AKAP6: variants seen among roughly 807,000 people sequenced by gnomAD.
AKAP6 encodes the protein A-kinase anchor protein 6.
A neutral mutation model predicts 188.5 loss-of-function variants in AKAP6; 58 were observed. The observed-to-expected ratio is 0.31, with a 90% CI of 0.25 to 0.38. AKAP6 has a LOEUF of 0.38. Ranked by LOEUF, AKAP6 falls within the 10% of genes least tolerant of loss-of-function variation. The probability of loss-of-function intolerance (pLI) is 1.00; values close to 1 mark genes in which losing one functional copy is unlikely to be tolerated. For synonymous variants in AKAP6, 989 were observed against 998.6 expected, an observed-to-expected ratio of 0.99 and a Z score of 0.18; for missense variants, 2,710 against 2,740.0, an observed-to-expected ratio of 0.99 and a Z score of 0.24.
At chr14:32,398,564 C>T (rs1388519767) in intron 1 of AKAP6, among the ~76,000 whole-genome samples, 2 of 152,094 alleles carry the variant, frequency 1.3e-5, no homozygotes, top group African/African-American at 4.8e-5. Context: ...GCCATCCACA[C>T]CATGTACTGA....
intron 2 of AKAP6, among the ~76,000 whole-genome samples, chr14:32,456,792 G>A (rs1891158605): frequency 6.6e-6 from 1 of 152,116 alleles, no homozygotes; most frequent in South Asian, 2.1e-4. Flanking sequence ...TGTTTCTTTT[G>A]TGCTAATAAT....
chr14:32,394,209 T>C (rs912394303), intron 1 of AKAP6, among the ~76,000 whole-genome samples: 3 of 152,208 alleles, frequency 2.0e-5, no homozygotes, highest in African/African-American at 7.2e-5. Context: ...TCTGATGCTC[T>C]TCTTCCAAGG....
intron 1 of AKAP6, among the ~76,000 whole-genome samples, chr14:32,410,476 C>T (rs1025658453): frequency 6.6e-6 from 1 of 152,158 alleles, no homozygotes; most frequent in Non-Finnish European, 1.5e-5. Flanking sequence ...TCTCATGTCT[C>T]CCCAAAATGT....
chr14:32,743,524 G>A (rs1301975484), intron 11 of AKAP6, among the ~76,000 whole-genome samples: 1 of 151,878 alleles, frequency 6.6e-6, no homozygotes, highest in East Asian at 1.9e-4. Context: ...TTCATTGTTT[G>A]TGTATCCATT....
intron 1 of AKAP6, among the ~76,000 whole-genome samples, chr14:32,366,877 G>A (rs1357385947): frequency 6.6e-6 from 1 of 152,122 alleles, no homozygotes; most frequent in Non-Finnish European, 1.5e-5. Flanking sequence ...CTTATGCAAG[G>A]TTATAGCACA....
chr14:32,811,241 G>GAAAAA lies in AKAP6; in HGVS notation c.3589-10150_3589-10146dup, dbSNP rs529886144. Among the ~76,000 whole-genome samples, 27 of 55,586 alleles carry GAAAAA rather than the reference G, an allele frequency of 4.9e-4. 2 individuals carry two copies. Among genetic ancestry groups the GAAAAA allele is most frequent in the South Asian group, 2.7e-3 (3 of 1,104 alleles). 36.5% of individuals were successfully genotyped at this position (55,586 alleles called of 152,430 possible). On this transcript the variant is annotated intron_variant, in intron 12 of 13. Coordinates refer to ENST00000280979, the MANE Select transcript of AKAP6 (RefSeq NM_004274.5). ...GTGACAGAGCGAGACTCCGTCTCAGGAAAAAAAAAAAAAAAGTTGAAAAAC... is the reference window on the plus strand; with the variant it reads ...GTGACAGAGCGAGACTCCGTCTCAGGAAAAAAAAAAAAAAAAAAAAGTTGAAAAAC...
In AKAP6 at chr14:32,720,121, A is replaced by G. The variant is rs151310391; in HGVS notation, c.3001-12333A>G. Among the ~76,000 whole-genome samples the G allele has an allele frequency of 5.3e-3, 804 of 152,314 alleles. 10 individuals carry two copies. The highest frequency in any genetic ancestry group is 0.017 in the African/African-American group (722 of 41,566). ...ATAAATTCTCCTTTGATTGTATATT[A>G]AAACAACAAACAGCAATTCATACAT... On this transcript the variant is annotated intron_variant, in intron 9 of 13. Coordinates refer to ENST00000280979, the MANE Select transcript of AKAP6 (RefSeq NM_004274.5).
chr14:32,615,986 C>T (rs915720957), intron 7 of AKAP6, among the ~76,000 whole-genome samples: 4 of 152,204 alleles, frequency 2.6e-5, no homozygotes, highest in Non-Finnish European at 4.4e-5. Flanking sequence ...TCAATGTTCC[C>T]TCATGACTTC....
chr14:32,366,226 G>A (rs1256507343), intron 1 of AKAP6, among the ~76,000 whole-genome samples: 4 of 152,116 alleles, frequency 2.6e-5, no homozygotes, highest in African/African-American at 7.2e-5. Context: ...TCATCCTGTC[G>A]CTGCCCACTT....
chr14:32,770,450 G>A (rs2032863463), intron 11 of AKAP6, among the ~76,000 whole-genome samples: 1 of 151,938 alleles, frequency 6.6e-6, no homozygotes, highest in South Asian at 2.1e-4. Flanking sequence ...ACTATGCATG[G>A]GAACCAACAT....
chr14:32,369,988 G>A (rs376286779), intron 1 of AKAP6, among the ~76,000 whole-genome samples: 2 of 152,182 alleles, frequency 1.3e-5, no homozygotes, highest in African/African-American at 2.4e-5. Context: ...CTGAGACCGC[G>A]CCATTGCACT....
intron 2 of AKAP6, among the ~76,000 whole-genome samples, chr14:32,496,470 G>A (rs971129643): frequency 2.6e-5 from 4 of 151,958 alleles, no homozygotes; most frequent in East Asian, 1.9e-4. Flanking sequence ...TTAGAAGGAT[G>A]TCTAAGGGGA....
intron 8 of AKAP6, among the ~76,000 whole-genome samples, chr14:32,687,717 T>C (rs1889997484): frequency 6.6e-6 from 1 of 152,148 alleles, no homozygotes; most frequent in African/African-American, 2.4e-5. Flanking sequence ...CTCAGTCTAA[T>C]AGAAGATCAG....
chr14:32,818,476 T>C (rs1376336232), intron 12 of AKAP6, among the ~76,000 whole-genome samples: 3 of 152,000 alleles, frequency 2.0e-5, no homozygotes, highest in Non-Finnish European at 4.4e-5. Context: ...ATACAATGCC[T>C]ACACATCACT....
chr14:32,816,434 G>A (rs2034380040), intron 12 of AKAP6, among the ~76,000 whole-genome samples: 1 of 152,158 alleles, frequency 6.6e-6, no homozygotes, highest in Admixed American at 6.6e-5. Context: ...GGGTTCAAGC[G>A]ATCCTCCTGC....
At chr14:32,715,979 G>A (rs2030177563) in intron 9 of AKAP6, among the ~76,000 whole-genome samples, 1 of 151,762 alleles carries the variant, frequency 6.6e-6, no homozygotes, top group African/African-American at 2.4e-5. Flanking sequence ...AATTGTTCTA[G>A]GATCTTTGCA....
Position 32,369,836 on chromosome 14 carries a change from G to C in AKAP6, c.-35+40428G>C, listed in dbSNP as rs147318501. Among the ~76,000 whole-genome samples, 565 of 152,260 alleles carry C rather than the reference G, an allele frequency of 3.7e-3. 2 individuals are homozygous for C. Among genetic ancestry groups the C allele is most frequent in the African/African-American group, 0.013 (545 of 41,560 alleles). ...ACCTGAGGTCAGGAGTTTGAGACCAGCCTGGCCAGCATGGTGAAACCACAT... is the reference window on the plus strand; with the variant it reads ...ACCTGAGGTCAGGAGTTTGAGACCACCCTGGCCAGCATGGTGAAACCACAT... On this transcript the variant is annotated intron_variant, in intron 1 of 13. Coordinates refer to ENST00000280979, the MANE Select transcript of AKAP6 (RefSeq NM_004274.5).
chr14:32,798,738 A>C (rs927265774), intron 12 of AKAP6, among the ~76,000 whole-genome samples: 4 of 152,132 alleles, frequency 2.6e-5, no homozygotes, highest in African/African-American at 9.7e-5. Flanking sequence ...GAGGGTGGGA[A>C]GAGGGTAGAA....
chr14:32,671,159 G>A (rs1261706423), intron 7 of AKAP6, among the ~76,000 whole-genome samples: 3 of 152,156 alleles, frequency 2.0e-5, no homozygotes, highest in African/African-American at 7.2e-5. Flanking sequence ...AGCAGGTCAG[G>A]GAAGACTTGG....
Sources: allele counts gnomAD v4.1 joint callset (sites outside exome capture counted in the v4.1 genomes callset), GRCh38; gene constraint gnomAD v4.1.1; transcripts MANE v1.5; gene names NCBI Gene and HGNC (gene_info 2026-07-23, HGNC 2026-07-21).